The following CSMD3 variants were observed in gnomAD, a reference collection of about 807,000 sequenced individuals.
CSMD3 encodes CUB and Sushi multiple domains 3.
CSMD3 carries 177 observed loss-of-function variants against 435.2 expected under a neutral mutation model. The ratio of observed to expected loss-of-function variants is 0.41; its 90% CI spans 0.36 to 0.46. CSMD3 has a LOEUF of 0.46. Among genes scored for constraint, CSMD3 ranks in the 20% least tolerant of loss-of-function variants. The pLI is 0.34. For synonymous variants in CSMD3, 1,656 were observed against 1,520.5 expected (o/e 1.09, Z -2.07); for missense variants, 4,265 against 4,504.6 (o/e 0.95, Z 1.52).
intron 13 of CSMD3, among the ~76,000 whole-genome samples, chr8:112,773,501 A>C (rs1308144029): frequency 6.6e-6 from 1 of 152,058 alleles, no homozygotes; most frequent in Non-Finnish European, 1.5e-5. Flanking sequence ...AAAGCATGAG[A>C]ATTAGAAAGG....
At chr8:113,174,674 G>GA (rs1213401478) in intron 3 of CSMD3, among the ~76,000 whole-genome samples, 1 of 151,712 alleles carries the variant, frequency 6.6e-6, no homozygotes, top group Non-Finnish European at 1.5e-5. Context: ...TAGATTAAAT[G>GA]AAAAAATTTT....
At chr8:113,391,916 A>G (rs2094462771) in intron 1 of CSMD3, among the ~76,000 whole-genome samples, 1 of 152,080 alleles carries the variant, frequency 6.6e-6, no homozygotes, top group South Asian at 2.1e-4. Context: ...TGCAGCTGCT[A>G]ACATGTAGTG....
intron 13 of CSMD3, among the ~76,000 whole-genome samples, chr8:112,765,577 A>T (rs891185712): frequency 2.0e-5 from 3 of 151,816 alleles, no homozygotes; most frequent in South Asian, 4.2e-4. Context: ...TTCCTAACCT[A>T]ATTTCTACCA....
At chr8:112,927,978 C>T (rs191898650) in intron 9 of CSMD3, among the ~76,000 whole-genome samples, 1 of 152,052 alleles carries the variant, frequency 6.6e-6, no homozygotes, top group South Asian at 2.1e-4. Flanking sequence ...TAACCCCAAG[C>T]TTGGTCATTT....
At chr8:113,405,108 G>A (rs2094526891) in intron 1 of CSMD3, among the ~76,000 whole-genome samples, 1 of 151,452 alleles carries the variant, frequency 6.6e-6, no homozygotes, top group Non-Finnish European at 1.5e-5. Flanking sequence ...AAGCTATGAA[G>A]GAGGCTTTCT....
At chr8:112,672,136 A>T (rs185347784) in intron 16 of CSMD3, among the ~76,000 whole-genome samples, 1 of 152,212 alleles carries the variant, frequency 6.6e-6, no homozygotes, top group East Asian at 1.9e-4. Context: ...GGGCAGGGAC[A>T]GGTACTGTCC....
At chr8:112,713,425 T>C (rs1563884061) in intron 13 of CSMD3, among the ~76,000 whole-genome samples, 2 of 148,184 alleles carry the variant, frequency 1.3e-5, no homozygotes, top group Non-Finnish European at 3.0e-5. Flanking sequence ...TATGGGACTA[T>C]GTAAAAAGAC....
intron 7 of CSMD3, among the ~76,000 whole-genome samples, chr8:112,958,846 G>T (rs2084129087): frequency 6.6e-6 from 1 of 152,080 alleles, no homozygotes; most frequent in Non-Finnish European, 1.5e-5. Context: ...GGATAAAATA[G>T]ATTGGGAAGT....
At position 112,629,229 on chromosome 8, in the gene CSMD3, T is replaced by A. The variant is rs565952417; in HGVS notation, c.3715+7588A>T. Among the ~76,000 whole-genome samples, 13 of 140,982 alleles carry A rather than the reference T, an allele frequency of 9.2e-5. No homozygotes were observed. The South Asian group carries it at 2.4e-3, about 26-fold the overall frequency. The allele number at this position is 140,982 out of a possible 152,430, so 92.5% of individuals were successfully genotyped here. ...ATTATTTATTTTTTTAGAGACAGCA[T>A]CTTGCTCTGTTGCCCAGGCTGGAGT... On this transcript the variant is annotated intron_variant, in intron 22 of 70. Coordinates refer to ENST00000297405, the MANE Select transcript of CSMD3 (RefSeq NM_198123.2).
intron 14 of CSMD3, among the ~76,000 whole-genome samples, chr8:112,688,034 AC>A (rs1185359157): frequency 6.6e-6 from 1 of 152,166 alleles, no homozygotes; most frequent in African/African-American, 2.4e-5. Flanking sequence ...GGCTTTGCAA[AC>A]CATACGATCT....
chr8:112,235,504 T>C (rs753357935), intron 67 of CSMD3, among the ~76,000 whole-genome samples: 5 of 152,028 alleles, frequency 3.3e-5, no homozygotes, highest in Non-Finnish European at 7.4e-5. Flanking sequence ...ATACAAGCAA[T>C]GACATAAGGA....
At chr8:112,292,841 T>TGCTTCCGTGGAGTGTGGCGAGTCAGCTAA in intron 54 of CSMD3, 131 bp from the exon 55 acceptor site, 1 of 795,910 alleles carries the variant, frequency 1.3e-6, no homozygotes, top group Non-Finnish European at 2.1e-6. Flanking sequence ...TATCTGGAAA[T>TGCTTCCGTGGAGTGTGGCGAGTCAGCTAA]ATACGGAAAG....
intron 32 of CSMD3, among the ~76,000 whole-genome samples, chr8:112,440,523 G>A (rs1187310416): frequency 6.6e-6 from 1 of 152,142 alleles, no homozygotes; most frequent in Non-Finnish European, 1.5e-5. Context: ...TAGTGCCCCA[G>A]TGGATACTCT....
chr8:113,245,790 C>T (rs1428444726), intron 3 of CSMD3, among the ~76,000 whole-genome samples: 1 of 151,960 alleles, frequency 6.6e-6, no homozygotes, highest in African/African-American at 2.4e-5. Context: ...AAGGATTTTC[C>T]TAGATATTTC....
At chr8:112,902,742 A>G (rs1351981461) in intron 10 of CSMD3, among the ~76,000 whole-genome samples, 2 of 151,308 alleles carry the variant, frequency 1.3e-5, no homozygotes, top group African/African-American at 4.8e-5. Context: ...CTGCCACGTG[A>G]AAACTACGGA....
intron 4 of CSMD3, among the ~76,000 whole-genome samples, chr8:113,139,283 TA>T (rs150321487): frequency 0.036 from 5,452 of 150,940 alleles, 155 homozygotes; most frequent in South Asian, 0.12. Context: ...TTAATAAATA[TA>T]AGAGATTTTT....
chr8:112,715,979 G>A (rs1022550160), intron 13 of CSMD3, among the ~76,000 whole-genome samples: 1 of 152,140 alleles, frequency 6.6e-6, no homozygotes, highest in Non-Finnish European at 1.5e-5. Context: ...CACTGAGTGG[G>A]CAAAAGCTGG....
intron 30 of CSMD3, among the ~76,000 whole-genome samples, chr8:112,498,441 T>G (rs572740929): frequency 5.3e-5 from 8 of 152,254 alleles, no homozygotes; most frequent in African/African-American, 1.7e-4. Context: ...TATATTCAGC[T>G]GAGATAATGG....
chr8:113,352,056 C>T (rs1238199053), intron 1 of CSMD3, among the ~76,000 whole-genome samples: 2 of 152,090 alleles, frequency 1.3e-5, no homozygotes, highest in African/African-American at 4.8e-5. Flanking sequence ...ATGTTCCTCA[C>T]ATATTTCAGG....
Sources: gnomAD v4.1 joint callset for allele counts (sites outside exome capture counted in the v4.1 genomes callset) on GRCh38, gnomAD v4.1.1 for gene constraint, MANE v1.5 for transcripts, NCBI Gene and HGNC (gene_info 2026-07-23, HGNC 2026-07-21) for gene names.